Variants in NTNG1 observed in about 807,000 individuals in gnomAD.
NTNG1 encodes netrin-G1.
In NTNG1, 16 loss-of-function variants were observed where a neutral mutation model predicts 54.0. The observed-to-expected ratio is 0.30, with a 90% CI of 0.20 to 0.45. The LOEUF (loss-of-function observed/expected upper bound fraction) is 0.45. Ranked by LOEUF, NTNG1 falls within the 20% of genes least tolerant of loss-of-function variation. The probability of loss-of-function intolerance (pLI) is 1.00; values close to 1 mark genes in which losing one functional copy is unlikely to be tolerated. For synonymous variants in NTNG1, 255 were observed against 263.1 expected (o/e 0.97, Z 0.30); for missense variants, 530 against 678.7 (o/e 0.78, Z 2.43).
intron 7 of NTNG1, among the ~76,000 whole-genome samples, chr1:107,465,821 C>A (rs1677569192): frequency 6.6e-6 from 1 of 152,154 alleles, no homozygotes; most frequent in East Asian, 1.9e-4. Flanking sequence ...GTCTCCCATA[C>A]AATTGAAGTA....
intron 2 of NTNG1, among the ~76,000 whole-genome samples, chr1:107,215,955 G>A (rs760384159): frequency 1.3e-5 from 2 of 152,036 alleles, no homozygotes; most frequent in Admixed American, 6.6e-5. Context: ...CTTGGTTGCT[G>A]TTGGTGTATA....
At chr1:107,227,829 A>G (rs1272219375) in intron 2 of NTNG1, among the ~76,000 whole-genome samples, 1 of 152,124 alleles carries the variant, frequency 6.6e-6, no homozygotes, top group East Asian at 1.9e-4. Context: ...ATCTCATTCA[A>G]AGATACTTTT....
intron 3 of NTNG1, among the ~76,000 whole-genome samples, chr1:107,367,507 C>T (rs1418178068): frequency 6.6e-6 from 1 of 152,034 alleles, no homozygotes; most frequent in Non-Finnish European, 1.5e-5. Context: ...TCCTGTGTGA[C>T]TCTTAAATCC....
chr1:107,305,286 G>C (rs931491009), intron 2 of NTNG1, among the ~76,000 whole-genome samples: 3 of 152,084 alleles, frequency 2.0e-5, no homozygotes, highest in African/African-American at 2.4e-5. Context: ...GGTATTTCTG[G>C]TTCTAGGTCC....
At chr1:107,345,148 T>C (rs1009059398) in intron 3 of NTNG1, among the ~76,000 whole-genome samples, 2 of 152,128 alleles carry the variant, frequency 1.3e-5, no homozygotes, top group African/African-American at 4.8e-5. Flanking sequence ...TCTCTCCAAA[T>C]GTTTTGAGTT....
chr1:107,161,568 C>G (rs936922992), intron 2 of NTNG1, among the ~76,000 whole-genome samples: 9 of 150,732 alleles, frequency 6.0e-5, no homozygotes, highest in Non-Finnish European at 8.9e-5. Context: ...GGCTGAGGTA[C>G]GAGAATCACT....
intron 2 of NTNG1, among the ~76,000 whole-genome samples, chr1:107,165,157 C>G (rs980323391): frequency 6.6e-6 from 1 of 152,090 alleles, no homozygotes; most frequent in Non-Finnish European, 1.5e-5. Context: ...ACCAAGGGAA[C>G]AGATGTGAAC....
chr1:107,302,724 A>G (rs1379681083), intron 2 of NTNG1, among the ~76,000 whole-genome samples: 1 of 152,040 alleles, frequency 6.6e-6, no homozygotes, highest in Non-Finnish European at 1.5e-5. Context: ...TACCTTTTTT[A>G]TGACATCAAC....
rs903940870 is a variant in NTNG1, at chr1:107,147,812, T to G, written c.-525-257T>G. On this transcript the variant is annotated intron_variant, in intron 1 of 7. Coordinates refer to ENST00000370068, the MANE Select transcript of NTNG1 (RefSeq NM_001113226.3). ...AGTTTTGTCAAGATGGAAATATAAT[T>G]TTTGAAGTGAAAACCTGTAACTCAC... Among the ~76,000 whole-genome samples, 12 of 152,242 alleles carry G rather than the reference T, an allele frequency of 7.9e-5. 1 individual carries two copies. The South Asian group carries it at 2.5e-3, about 32-fold the overall frequency.
intron 7 of NTNG1, among the ~76,000 whole-genome samples, chr1:107,440,637 T>A (rs1037442840): frequency 1.3e-5 from 2 of 152,156 alleles, no homozygotes; most frequent in African/African-American, 4.8e-5. Flanking sequence ...TTTCGTGCAA[T>A]GTTACTGTAG....
chr1:107,243,288 C>T, intron 2 of NTNG1, among the ~76,000 whole-genome samples: 1 of 152,118 alleles, frequency 6.6e-6, no homozygotes, highest in East Asian at 1.9e-4. Context: ...CAAAAGTTGG[C>T]TCTAAAAATG....
In NTNG1 at chr1:107,452,785, C is replaced by T. The variant is rs549021474; in HGVS notation, c.1390+15986C>T. Among the ~76,000 whole-genome samples, 25 of 152,308 alleles carry T rather than the reference C, an allele frequency of 1.6e-4. No individual in the cohort carries two copies. In the South Asian group the frequency reaches 4.8e-3, roughly 29 times the overall value. ...AAACCAGCATCATGCCCTTGAACTT[C>T]CCAGCCTGGAGAACCATAAGCTAAA... On this transcript the variant is annotated intron_variant, in intron 7 of 7. Transcript: ENST00000370068.
At chr1:107,446,549 GT>G (rs960078688) in intron 7 of NTNG1, among the ~76,000 whole-genome samples, 1 of 152,056 alleles carries the variant, frequency 6.6e-6, no homozygotes, top group Non-Finnish European at 1.5e-5. Context: ...CAGAATGTAG[GT>G]TTTTACCATT....
intron 7 of NTNG1, chr1:107,460,531 A>G (rs1483932922): frequency 4.3e-5 from 19 of 443,874 alleles, no homozygotes; most frequent in Admixed American, 3.7e-4. Context: ...CTTCTTACGA[A>G]TATTTATATT....
At chr1:107,433,249 G>A (rs771670596) in intron 6 of NTNG1, among the ~76,000 whole-genome samples, 1 of 152,136 alleles carries the variant, frequency 6.6e-6, no homozygotes, top group Non-Finnish European at 1.5e-5. Flanking sequence ...TACTATTAAA[G>A]TTAGCTACAT....
chr1:107,237,364 TA>T (rs1661482179), intron 2 of NTNG1, among the ~76,000 whole-genome samples: 1 of 152,062 alleles, frequency 6.6e-6, no homozygotes, highest in Admixed American at 6.6e-5. Flanking sequence ...TTCGTTTTTA[TA>T]AAGAAAGCAG....
At chr1:107,430,435 T>C (rs1019808843) in intron 5 of NTNG1, among the ~76,000 whole-genome samples, 3 of 152,102 alleles carry the variant, frequency 2.0e-5, no homozygotes, top group Admixed American at 2.0e-4. Context: ...AATAATAGAC[T>C]TTTTCATCAC....
intron 3 of NTNG1, among the ~76,000 whole-genome samples, chr1:107,385,667 A>ATTAAAAGAT (rs1671918272): frequency 6.6e-6 from 1 of 151,954 alleles, no homozygotes; most frequent in Non-Finnish European, 1.5e-5. Flanking sequence ...TGCTCCTAAC[A>ATTAAAAGAT]ACCCCTTTTG....
At chr1:107,441,464 T>C (rs1010641829) in intron 7 of NTNG1, among the ~76,000 whole-genome samples, 1 of 152,168 alleles carries the variant, frequency 6.6e-6, no homozygotes, top group Non-Finnish European at 1.5e-5. Flanking sequence ...TTAAATGTTA[T>C]GATTTTGGAA....
Sources: gnomAD v4.1 joint callset for allele counts (sites outside exome capture counted in the v4.1 genomes callset) on GRCh38, gnomAD v4.1.1 for gene constraint, MANE v1.5 for transcripts, NCBI Gene and HGNC (gene_info 2026-07-23, HGNC 2026-07-21) for gene names.